Variants in ZBTB8A observed in about 807,000 individuals in gnomAD.
ZBTB8A encodes zinc finger and BTB domain containing 8A.
Under a neutral mutation model 37.8 loss-of-function variants are expected in ZBTB8A, and 19 were observed. That is an observed-to-expected ratio of 0.50 (90% CI 0.35 to 0.74). The LOEUF (loss-of-function observed/expected upper bound fraction) is 0.74, where lower values mean the gene tolerates loss of function less well. Among genes scored for constraint, ZBTB8A ranks in the 30% least tolerant of loss-of-function variants. The pLI, the probability that ZBTB8A is intolerant of heterozygous loss-of-function variation, is 0.01. For synonymous variants in ZBTB8A, 181 were observed against 185.2 expected (o/e 0.98, Z 0.19); for missense variants, 394 against 537.8 (o/e 0.73, Z 2.65).
chr1:32,584,679 T>A (rs949272450), intron 2 of ZBTB8A, among the ~76,000 whole-genome samples: 1 of 151,428 alleles, frequency 6.6e-6, no homozygotes, highest in South Asian at 2.1e-4. Flanking sequence ...GCCCAGCTAA[T>A]TTTTTTTGTT....
chr1:32,576,489 C>T (rs191018155), intron 2 of ZBTB8A, among the ~76,000 whole-genome samples: 4 of 152,220 alleles, frequency 2.6e-5, no homozygotes, highest in East Asian at 3.9e-4. Context: ...AGTGCAATGG[C>T]GCAATCTTGG....
chr1:32,554,132 G>A (rs1467522568), intron 2 of ZBTB8A, among the ~76,000 whole-genome samples: 2 of 149,818 alleles, frequency 1.3e-5, no homozygotes, highest in African/African-American at 4.9e-5. Flanking sequence ...TCCGGGCAGC[G>A]GACGTTGCAG....
intron 2 of ZBTB8A, among the ~76,000 whole-genome samples, chr1:32,556,519 A>G (rs1351135919): frequency 6.6e-6 from 1 of 152,172 alleles, no homozygotes; most frequent in Non-Finnish European, 1.5e-5. Flanking sequence ...GGCATGCACC[A>G]TCATGCCCAG....
Position 32,595,127 on chromosome 1 carries a change from C to T in ZBTB8A, c.897C>T (p.Arg299=), listed in dbSNP as rs202045575. Residue 299 remains arginine (R), a synonymous_variant, in exon 4 of 5, where the codon CGC becomes CGT. Transcript: ENST00000373510. ...HVVKRKADLK[R]HLRCHTGERP... is the part of the protein sequence containing the mutation. ...TGAAGCGGAAGGCAGACCTAAAGCG[C>T]CACCTTCGTTGTCATACAGGAGAAA... is the stretch of plus-strand genomic sequence containing the variant. The T allele has an allele frequency of 4.0e-4, 644 of 1,614,180 alleles. 7 individuals carry two copies. Among genetic ancestry groups the T allele is most frequent in the South Asian group, 3.9e-3 (359 of 91,084 alleles).
intron 2 of ZBTB8A, among the ~76,000 whole-genome samples, chr1:32,558,461 A>G (rs1644220063): frequency 6.6e-6 from 1 of 152,020 alleles, no homozygotes; most frequent in Admixed American, 6.6e-5. Context: ...ACACACACAC[A>G]CACACACACA....
Position 32,593,714 on chromosome 1 carries a change from G to A in ZBTB8A, c.783G>A (p.Gln261=), listed in dbSNP as rs1298801819. ...TGGACTCTACTCCTGTTGGCTATCA[G>A]TACGGTCAAGGATCTGATGTCACAT... ...AEMDSTPVGY[Q]YGQGSDVTSK... is the part of the protein sequence containing the mutation. The change falls in exon 3 of 5, where the codon CAG becomes CAA. Residue 261 remains glutamine (Q), a synonymous_variant. Coordinates refer to ENST00000373510, the MANE Select transcript of ZBTB8A (RefSeq NM_001040441.3). The A allele has an allele frequency of 4.3e-6, 7 of 1,613,972 alleles. No individual in the cohort carries two copies. The highest frequency in any genetic ancestry group is 5.1e-6 in the Non-Finnish European group (6 of 1,179,964).
chr1:32,595,009 T>C, intron 3 of ZBTB8A, 45 bp from the exon 4 acceptor site: 2 of 1,502,634 alleles, frequency 1.3e-6, no homozygotes, highest in Non-Finnish European at 1.8e-6. Context: ...GTTATTAGAA[T>C]TGTTATGAAC....
rs906105242 is a variant in ZBTB8A at position 32,541,518 on chromosome 1, T to C, written c.-84+1946T>C. On this transcript the variant is annotated intron_variant, in intron 1 of 4. Transcript: ENST00000373510. ...GATTCTCTTAAGTGTTTTTATTAAT[T>C]CTAAATCTTTTCTGTCTCAGGCCAT... is the stretch of plus-strand genomic sequence containing the variant. Among the ~76,000 whole-genome samples, 2 of 152,356 alleles carry C rather than the reference T, an allele frequency of 1.3e-5. 1 individual carries two copies. The highest frequency in any genetic ancestry group is 4.1e-4 in the South Asian group (2 of 4,826).
At chr1:32,564,914 AT>A (rs1644267791) in intron 2 of ZBTB8A, among the ~76,000 whole-genome samples, 2 of 152,182 alleles carry the variant, frequency 1.3e-5, no homozygotes. Context: ...CCCAAAATCA[AT>A]GACATTCCAC....
At chr1:32,580,704 T>A (rs1172694186) in intron 2 of ZBTB8A, among the ~76,000 whole-genome samples, 2 of 152,158 alleles carry the variant, frequency 1.3e-5, no homozygotes, top group Non-Finnish European at 2.9e-5. Context: ...AATCAAATTA[T>A]GTCCTAAATG....
chr1:32,542,015 A>G (rs554199639), intron 1 of ZBTB8A, among the ~76,000 whole-genome samples: 26 of 152,256 alleles, frequency 1.7e-4, no homozygotes, highest in Admixed American at 2.6e-4. Context: ...TAAACTTACA[A>G]TGTTTTCAAC....
intron 2 of ZBTB8A, among the ~76,000 whole-genome samples, chr1:32,583,291 G>T (rs1644421527): frequency 6.6e-6 from 1 of 150,716 alleles, no homozygotes; most frequent in Non-Finnish European, 1.5e-5. Flanking sequence ...GAGGTAGGAG[G>T]ATTGCTTGAA....
In ZBTB8A at chr1:32,565,998, G is replaced by A. The variant is rs575690876; in HGVS notation, c.-2+12458G>A. 8.5e-4 allele frequency among the ~76,000 whole-genome samples: 129 copies of A among 151,734 alleles called. 2 individuals are homozygous for A. Among genetic ancestry groups the A allele is most frequent in the African/African-American group, 3.0e-3 (124 of 41,376 alleles). On this transcript the variant is annotated intron_variant, in intron 2 of 4. Coordinates refer to ENST00000373510, the MANE Select transcript of ZBTB8A (RefSeq NM_001040441.3). ...AGGCAGATCATGACGTCAGGAGATC[G>A]AGACCATCCTGGCTAACATGGTGAA...
intron 4 of ZBTB8A, among the ~76,000 whole-genome samples, chr1:32,597,294 G>C (rs1406038039): frequency 6.6e-6 from 1 of 151,978 alleles, no homozygotes; most frequent in Non-Finnish European, 1.5e-5. Flanking sequence ...CACGTCTGCT[G>C]GTCTTATATT....
At chr1:32,583,678 G>A (rs1347146819) in intron 2 of ZBTB8A, among the ~76,000 whole-genome samples, 2 of 152,122 alleles carry the variant, frequency 1.3e-5, no homozygotes, top group African/African-American at 4.8e-5. Context: ...GGGTAGGGTG[G>A]GCCCTTAATC....
intron 1 of ZBTB8A, among the ~76,000 whole-genome samples, chr1:32,540,200 A>T (rs1217109698): frequency 4.0e-5 from 6 of 151,544 alleles, no homozygotes; most frequent in African/African-American, 1.5e-4. Context: ...GCTCATCTCT[A>T]CCCATGCGGA....
Position 32,557,642 on chromosome 1 carries a change from T to C in ZBTB8A, c.-2+4102T>C, listed in dbSNP as rs879935553. ...ATACCCAGCTAGTTTTTATATTTTT[T>C]TTTGTAGAGATGAGGTTTCACCATG... On this transcript the variant is annotated intron_variant, in intron 2 of 4. Transcript: ENST00000373510. Among the ~76,000 whole-genome samples, 105 of 152,218 alleles carry C rather than the reference T, an allele frequency of 6.9e-4. No individual in the cohort carries two copies. The Middle Eastern group carries it at 0.01, about 15-fold the overall frequency.
intron 2 of ZBTB8A, among the ~76,000 whole-genome samples, chr1:32,567,232 CTT>C (rs1195269933): frequency 6.6e-6 from 1 of 152,022 alleles, no homozygotes; most frequent in Non-Finnish European, 1.5e-5. Context: ...GTGCTACACA[CTT>C]TTAAACAACC....
intron 1 of ZBTB8A, among the ~76,000 whole-genome samples, chr1:32,551,826 G>A (rs1644158966): frequency 2.0e-5 from 3 of 152,136 alleles, no homozygotes; most frequent in Admixed American, 6.6e-5. Flanking sequence ...TCTTGCTTCT[G>A]CCTCCTGAAA....
Sources: gnomAD v4.1 joint callset for allele counts (sites outside exome capture counted in the v4.1 genomes callset) on GRCh38, gnomAD v4.1.1 for gene constraint, MANE v1.5 for transcripts, NCBI Gene and HGNC (gene_info 2026-07-23, HGNC 2026-07-21) for gene names.